Variants in STK32B observed in about 807,000 individuals in gnomAD.
STK32B encodes the protein serine/threonine-protein kinase 32B.
A neutral mutation model predicts 52.6 loss-of-function variants in STK32B; 43 were observed. The ratio of observed to expected loss-of-function variants is 0.82; its 90% CI spans 0.64 to 1.05. The LOEUF (loss-of-function observed/expected upper bound fraction) is 1.05, where lower values mean the gene tolerates loss of function less well. Among genes scored for constraint, STK32B ranks in the 50% least tolerant of loss-of-function variants. The pLI is 0.00. For missense variants in STK32B, 621 were observed against 534.6 expected (o/e 1.16, Z -1.59); for synonymous variants, 238 against 204.3 (o/e 1.17, Z -1.41).
intron 4 of STK32B, among the ~76,000 whole-genome samples, chr4:5,364,986 C>T (rs138751471): frequency 6.6e-5 from 10 of 152,262 alleles, no homozygotes; most frequent in African/African-American, 2.2e-4. Flanking sequence ...AGCGATTCTC[C>T]TGCCTCAGCA....
chr4:5,338,567 T>C (rs1420881030), intron 4 of STK32B, among the ~76,000 whole-genome samples: 2 of 151,310 alleles, frequency 1.3e-5, no homozygotes, highest in African/African-American at 4.9e-5. Flanking sequence ...CCAAATTCCC[T>C]GAGACACTAA....
rs749418541 is a variant in STK32B, at chr4:5,406,752, G to A, written c.472+8508G>A. ...GAGCAGTGTCTCGAGGTTAGGCAGG[G>A]CAGCAGAGCCCTGGACCTGGCAGCA... On this transcript the variant is annotated intron_variant, in intron 5 of 11. Coordinates refer to ENST00000282908, the MANE Select transcript of STK32B (RefSeq NM_018401.3). 1.2e-3 allele frequency among the ~76,000 whole-genome samples: 182 copies of A among 152,310 alleles called. 1 individual carries two copies. Among genetic ancestry groups the A allele is most frequent in the Admixed American group, 4.0e-3 (61 of 15,306 alleles).
intron 3 of STK32B, among the ~76,000 whole-genome samples, chr4:5,257,668 T>C (rs1435106575): frequency 6.6e-6 from 1 of 152,202 alleles, no homozygotes; most frequent in South Asian, 2.1e-4. Context: ...GGGCTGGGCA[T>C]GGTGGCTCAA....
At chr4:5,093,950 A>G (rs561831624) in intron 1 of STK32B, among the ~76,000 whole-genome samples, 198 of 152,334 alleles carry the variant, frequency 1.3e-3, no homozygotes, top group African/African-American at 4.5e-3. Flanking sequence ...ATTGCTTGAT[A>G]TATACCATAG....
the STK32B span, among the ~76,000 whole-genome samples, chr4:5,027,722 G>A: frequency 3.3e-5 from 5 of 152,130 alleles, no homozygotes; most frequent in African/African-American, 4.8e-5. Flanking sequence ...GTGATGATGG[G>A]CCCATGGCTC....
At chr4:5,229,266 G>T (rs1394156108) in intron 3 of STK32B, among the ~76,000 whole-genome samples, 2 of 150,348 alleles carry the variant, frequency 1.3e-5, no homozygotes, top group African/African-American at 4.9e-5. Context: ...GTCTCAAAAT[G>T]ATGCCACAAC....
chr4:5,098,086 A>G (rs747728620), intron 1 of STK32B, among the ~76,000 whole-genome samples: 5 of 152,224 alleles, frequency 3.3e-5, no homozygotes, highest in Admixed American at 6.5e-5. Flanking sequence ...TCCAAGAAAC[A>G]TCACTCGCAT....
Position 5,353,144 on chromosome 4 carries a change from C to T in STK32B, c.434+21751C>T, listed in dbSNP as rs570632244. On this transcript the variant is annotated intron_variant, in intron 4 of 11. Coordinates refer to ENST00000282908, the MANE Select transcript of STK32B (RefSeq NM_018401.3). ...TGATTTTTGACCAAGATGCCAAGAA[C>T]GTACCTGGGGAAACAACACCCTCTT... is the stretch of plus-strand genomic sequence containing the variant. Among the ~76,000 whole-genome samples, 6 of 152,072 alleles carry T rather than the reference C, an allele frequency of 3.9e-5. No homozygotes were observed. In the South Asian group the frequency reaches 6.2e-4, roughly 16 times the overall value.
In STK32B at chr4:5,314,787, G is replaced by T. The variant is rs567884095; in HGVS notation, c.261-16433G>T. 2.0e-5 allele frequency among the ~76,000 whole-genome samples: 3 copies of T among 152,162 alleles called. No homozygotes were observed. In the South Asian group the frequency reaches 6.2e-4, roughly 32 times the overall value. On this transcript the variant is annotated intron_variant, in intron 3 of 11. Transcript: ENST00000282908. ...AACCAGTCACATAGCCAACAAAGTA[G>T]CAAAACGGGCTGGGAAATTTGCAGG... is the stretch of plus-strand genomic sequence containing the variant.
intron 6 of STK32B, 84 bp from the exon 7 acceptor site, chr4:5,446,589 A>T: frequency 8.2e-7 from 1 of 1,217,362 alleles, no homozygotes; most frequent in Non-Finnish European, 1.2e-6. Flanking sequence ...AACAAGCTCA[A>T]TTTCTCTCCT....
chr4:5,398,324 G>T lies in STK32B; in HGVS notation c.472+80G>T. 6.7e-7 allele frequency: 1 copy of T among 1,500,434 alleles called. No homozygotes were observed. The highest frequency in any genetic ancestry group is 9.2e-7 in the Non-Finnish European group (1 of 1,086,102). 92.9% of individuals were successfully genotyped at this position (1,500,434 alleles called of 1,614,324 possible). ...GGGAAATAGTGCGGGGGTGGGGGTTGGGTCTTGCTGAGTTGGACATTAGCA... is the reference window on the plus strand; with the variant it reads ...GGGAAATAGTGCGGGGGTGGGGGTTTGGTCTTGCTGAGTTGGACATTAGCA... On this transcript the variant is annotated intron_variant, in intron 5 of 11. Transcript: ENST00000282908. The surrounding 1 kb of genome is among the most constrained non-coding windows in gnomAD (Gnocchi z 4.9).
At chr4:5,184,505 T>A (rs1284394408) in intron 3 of STK32B, among the ~76,000 whole-genome samples, 1 of 151,874 alleles carries the variant, frequency 6.6e-6, no homozygotes, top group Admixed American at 6.6e-5. Context: ...CTGGCCAACA[T>A]GGTGAAACCC....
At chr4:5,383,971 G>C (rs1029468542) in intron 4 of STK32B, among the ~76,000 whole-genome samples, 4 of 152,222 alleles carry the variant, frequency 2.6e-5, no homozygotes, top group African/African-American at 9.6e-5. Context: ...AAGGAGGGGA[G>C]GTGATAGGGA....
intron 11 of STK32B, among the ~76,000 whole-genome samples, chr4:5,486,997 T>C (rs1719277684): frequency 6.6e-6 from 1 of 152,242 alleles, no homozygotes; most frequent in Non-Finnish European, 1.5e-5. Context: ...TCATTTACTG[T>C]ATTTCAGTTG....
Position 5,058,882 on chromosome 4 carries a change from C to A in STK32B, c.52+6967C>A, listed in dbSNP as rs1460096814. Among the ~76,000 whole-genome samples the A allele has an allele frequency of 6.6e-6, 1 of 152,054 alleles. No individual in the cohort carries two copies. Among genetic ancestry groups the A allele is most frequent in the Non-Finnish European group, 1.5e-5 (1 of 68,010 alleles). Reference sequence around the variant, plus strand: ...TCTCATGCCTCAGCCTCCCCAGTACCTGGGATTACAGGCAGGTGCCACCAT... The same window carrying A: ...TCTCATGCCTCAGCCTCCCCAGTACATGGGATTACAGGCAGGTGCCACCAT... On this transcript the variant is annotated intron_variant, in intron 1 of 11. Transcript: ENST00000282908. This position sits in a 1 kb window ranked among gnomAD's most constrained non-coding sequence, Gnocchi z 4.8.
At chr4:5,337,354 A>T (rs1054241321) in intron 4 of STK32B, among the ~76,000 whole-genome samples, 4 of 152,112 alleles carry the variant, frequency 2.6e-5, no homozygotes, top group Admixed American at 1.3e-4. Flanking sequence ...GTGAGGGTAT[A>T]CATTTTCCCC....
rs147398897 is a variant in STK32B at position 5,071,766 on chromosome 4, A to G, written c.52+19851A>G. 5.1e-3 allele frequency among the ~76,000 whole-genome samples: 778 copies of G among 152,342 alleles called. 3 individuals carry two copies. Among genetic ancestry groups the G allele is most frequent in the African/African-American group, 0.017 (722 of 41,584 alleles). On this transcript the variant is annotated intron_variant, in intron 1 of 11. Transcript: ENST00000282908. ...ATTGGCATTTTATTTCTTCCAGAAA[A>G]TAACAAATGTTTCTGATCTTTCTGA...
intron 3 of STK32B, among the ~76,000 whole-genome samples, chr4:5,231,133 G>A (rs1457568447): frequency 6.6e-6 from 1 of 152,136 alleles, no homozygotes; most frequent in African/African-American, 2.4e-5. Context: ...ACTCTCACAA[G>A]GATTTTATGC....
intron 3 of STK32B, among the ~76,000 whole-genome samples, chr4:5,215,399 T>G (rs552758454): frequency 1.3e-5 from 2 of 152,320 alleles, no homozygotes; most frequent in Admixed American, 1.3e-4. Flanking sequence ...AACATCATTT[T>G]GCCTCCAAAT....
Sources: gnomAD v4.1 joint callset for allele counts (sites outside exome capture counted in the v4.1 genomes callset) on GRCh38, gnomAD v4.1.1 for gene constraint, Gnocchi (gnomAD v3.1) non-coding constraint, MANE v1.5 for transcripts, NCBI Gene and HGNC (gene_info 2026-07-23, HGNC 2026-07-21) for gene names.